Variants in BRI3BP observed in about 807,000 individuals in gnomAD.
The protein encoded by BRI3BP is BRI3 binding protein, also known as BRI3-binding protein.
Under a neutral mutation model 15.8 loss-of-function variants are expected in BRI3BP, and 7 were observed. That is an observed-to-expected ratio of 0.44 (90% CI 0.25 to 0.83). The LOEUF (loss-of-function observed/expected upper bound fraction) is 0.83. BRI3BP is among the 40% of genes least tolerant of loss of function. The pLI is 0.20. For missense variants in BRI3BP, 320 were observed against 339.3 expected, an observed-to-expected ratio of 0.94 and a Z score of 0.45; for synonymous variants, 192 against 163.5, an observed-to-expected ratio of 1.17 and a Z score of -1.33.
chr12:125,014,430 C>A (rs2135994795), intron 2 of BRI3BP, among the ~76,000 whole-genome samples: 1 of 152,284 alleles, frequency 6.6e-6, no homozygotes, highest in South Asian at 2.1e-4. Context: ...GTCCTCACAG[C>A]CGTGATTTAT....
chr12:124,998,830 A>G (rs1343995334), intron 1 of BRI3BP, among the ~76,000 whole-genome samples: 1 of 152,144 alleles, frequency 6.6e-6, no homozygotes, highest in East Asian at 1.9e-4. Context: ...TAATCCCACC[A>G]CTTTGGGAGG....
At chr12:125,044,734 G>A in the BRI3BP span, among the ~76,000 whole-genome samples, 62 of 152,214 alleles carry the variant, frequency 4.1e-4, no homozygotes, top group Non-Finnish European at 6.8e-4. Flanking sequence ...ACAGGTATGA[G>A]CCACCGCACC....
chr12:125,048,812 C>T, the BRI3BP span, among the ~76,000 whole-genome samples: 1 of 152,014 alleles, frequency 6.6e-6, no homozygotes, highest in South Asian at 2.1e-4. Context: ...ACAAAAATAT[C>T]TCCGTTCTAG....
At chr12:125,000,383 G>A (rs1318872952) in intron 1 of BRI3BP, among the ~76,000 whole-genome samples, 2 of 146,826 alleles carry the variant, frequency 1.4e-5, no homozygotes, top group Non-Finnish European at 1.5e-5. Context: ...GCGCAATCTC[G>A]GCTCACTGCA....
chr12:125,041,094 G>T, the BRI3BP span, among the ~76,000 whole-genome samples: 2 of 151,986 alleles, frequency 1.3e-5, no homozygotes, highest in Non-Finnish European at 2.9e-5. Context: ...CGCCCAGGCT[G>T]GAGTGCAGTG....
At chr12:125,010,859 C>T (rs1206614043) in intron 1 of BRI3BP, among the ~76,000 whole-genome samples, 1 of 151,842 alleles carries the variant, frequency 6.6e-6, no homozygotes, top group Non-Finnish European at 1.5e-5. Context: ...TTTGGGAGGC[C>T]GGGGTGGGCA....
chr12:125,011,211 G>A (rs1409631595), intron 1 of BRI3BP, among the ~76,000 whole-genome samples: 2 of 151,558 alleles, frequency 1.3e-5, no homozygotes, highest in Non-Finnish European at 2.9e-5. Context: ...GCGTGATGCA[G>A]CCCTGCAGAG....
In BRI3BP at chr12:125,003,983, AC is replaced by A. The variant is rs1565902649; in HGVS notation, c.214-8550del. On this transcript the variant is annotated intron_variant, in intron 1 of 2. Coordinates refer to ENST00000341446, the MANE Select transcript of BRI3BP (RefSeq NM_080626.6). ...CACACACACACACACACACACACAC[AC>A]ACACACACACACACACACAACACAC... 7.3e-4 allele frequency among the ~76,000 whole-genome samples: 110 copies of A among 151,040 alleles called. 3 individuals are homozygous for A. The highest frequency in any genetic ancestry group is 2.0e-3 in the African/African-American group (81 of 41,184).
chr12:125,001,514 C>T (rs926443795), intron 1 of BRI3BP, among the ~76,000 whole-genome samples: 12 of 152,094 alleles, frequency 7.9e-5, no homozygotes, highest in Admixed American at 7.9e-4. Context: ...CATGTGCCAC[C>T]ATGCCTATTT....
the BRI3BP span, among the ~76,000 whole-genome samples, chr12:125,046,725 G>A: frequency 2.5e-3 from 373 of 152,212 alleles, 3 homozygotes; most frequent in African/African-American, 8.4e-3. Flanking sequence ...TCCATCAGTC[G>A]ACTTTAGCAT....
chr12:125,005,439 G>A (rs749798601), intron 1 of BRI3BP, among the ~76,000 whole-genome samples: 19 of 152,084 alleles, frequency 1.2e-4, no homozygotes, highest in Non-Finnish European at 2.2e-4. Context: ...GTTTCCCTGT[G>A]TCCCATTTCC....
the BRI3BP span, among the ~76,000 whole-genome samples, chr12:125,045,059 A>G: frequency 6.6e-6 from 1 of 152,220 alleles, no homozygotes; most frequent in African/African-American, 2.4e-5. Context: ...TCTTATATCT[A>G]TACCTGACTT....
intron 1 of BRI3BP, among the ~76,000 whole-genome samples, chr12:125,002,601 C>T (rs1955105147): frequency 6.6e-6 from 1 of 152,042 alleles, no homozygotes. Flanking sequence ...GGACTACAGG[C>T]ACCCGCCACC....
At chr12:125,046,674 C>A in the BRI3BP span, among the ~76,000 whole-genome samples, 1 of 152,210 alleles carries the variant, frequency 6.6e-6, no homozygotes, top group Non-Finnish European at 1.5e-5. Flanking sequence ...GCTAAATTAT[C>A]TTTTCATTTC....
At chr12:125,018,930 C>T (rs1955269814) in intron 2 of BRI3BP, among the ~76,000 whole-genome samples, 1 of 152,094 alleles carries the variant, frequency 6.6e-6, no homozygotes, top group Non-Finnish European at 1.5e-5. Context: ...GCAATCTTGG[C>T]TCACTGCAAC....
In BRI3BP at chr12:124,994,035, T is replaced by G. The variant is rs773402321; in HGVS notation, c.213+32T>G. ...GCCGGGCCCGCGCCCGCGGTCACCT[T>G]GCCCCGGTCGCCACGCACCTGGCTA... On this transcript the variant is annotated intron_variant, in intron 1 of 2. Transcript: ENST00000341446. 6.4e-6 allele frequency: 8 copies of G among 1,255,978 alleles called. No homozygotes were observed. In the African/African-American group the frequency reaches 1.3e-4, roughly 20 times the overall value. 77.8% of individuals were successfully genotyped at this position (1,255,978 alleles called of 1,614,324 possible). A position where few individuals can be genotyped will look rare whatever the true frequency, so the allele number is the denominator to read the frequency against.
intron 1 of BRI3BP, among the ~76,000 whole-genome samples, chr12:124,996,882 C>G (rs1955045381): frequency 6.6e-6 from 1 of 151,830 alleles, no homozygotes; most frequent in African/African-American, 2.4e-5. Flanking sequence ...CCTCAGCCCC[C>G]TGAGTAGCTG....
At chr12:125,047,419 C>A in the BRI3BP span, among the ~76,000 whole-genome samples, 3 of 151,912 alleles carry the variant, frequency 2.0e-5, no homozygotes, top group Non-Finnish European at 4.4e-5. Context: ...GTGATCCACC[C>A]GCCTCCGCCT....
chr12:125,021,121 AT>A (rs936280774), intron 2 of BRI3BP, among the ~76,000 whole-genome samples: 1 of 152,134 alleles, frequency 6.6e-6, no homozygotes, highest in Non-Finnish European at 1.5e-5. Context: ...AGTCAACCAC[AT>A]TTAGTCAAAA....
Sources: allele counts gnomAD v4.1 joint callset (sites outside exome capture counted in the v4.1 genomes callset), GRCh38; gene constraint gnomAD v4.1.1; transcripts MANE v1.5; gene names NCBI Gene and HGNC (gene_info 2026-07-23, HGNC 2026-07-21).